Variants in ATXN2 observed in about 807,000 individuals in gnomAD.
ATXN2 encodes ataxin 2.
ATXN2 carries 37 observed loss-of-function variants against 138.6 expected under a neutral mutation model. The ratio of observed to expected loss-of-function variants is 0.27; its 90% CI spans 0.21 to 0.35. The LOEUF (loss-of-function observed/expected upper bound fraction) is 0.35. Ranked by LOEUF, ATXN2 falls within the 10% of genes least tolerant of loss-of-function variation. ATXN2 has a pLI of 1.00. For missense variants in ATXN2, 1,216 were observed against 1,480.3 expected, an observed-to-expected ratio of 0.82 and a Z score of 2.93; for synonymous variants, 549 against 543.7, an observed-to-expected ratio of 1.01 and a Z score of -0.13.
chr12:111,562,022 A>G (rs1284306368), intron 1 of ATXN2, among the ~76,000 whole-genome samples: 1 of 151,784 alleles, frequency 6.6e-6, no homozygotes, highest in Non-Finnish European at 1.5e-5. Flanking sequence ...CATGTTAGCC[A>G]GGATGGTCTC....
At chr12:111,489,584 C>T (rs1012893186) in intron 14 of ATXN2, among the ~76,000 whole-genome samples, 1 of 150,976 alleles carries the variant, frequency 6.6e-6, no homozygotes, top group Non-Finnish European at 1.5e-5. Context: ...TGCACTCCAG[C>T]CTGGGTGACA....
chr12:111,473,266 C>T (rs963625579), intron 18 of ATXN2, among the ~76,000 whole-genome samples: 4 of 148,330 alleles, frequency 2.7e-5, no homozygotes, highest in African/African-American at 1.0e-4. Context: ...AGAGCCAGAC[C>T]TTGTCTCCAA....
At chr12:111,458,716 A>G (rs1379433042) in intron 21 of ATXN2, among the ~76,000 whole-genome samples, 1 of 152,224 alleles carries the variant, frequency 6.6e-6, no homozygotes, top group Non-Finnish European at 1.5e-5. Flanking sequence ...AGACATATGC[A>G]GGACTGATTG....
rs771611981 is a variant in ATXN2 at position 111,452,830 on chromosome 12, G to A, written c.3450C>T (p.His1150=). The A allele has an allele frequency of 1.2e-6, 2 of 1,613,702 alleles. No homozygotes were observed. Among genetic ancestry groups the A allele is most frequent in the South Asian group, 2.2e-5 (2 of 90,976 alleles). ...PYMTHPSVQA[H]HQQQL ...GGCAGCCTTACAACTGCTGTTGGTGGTGGGCTTGTACTGTAAAAAGAAAAG... is the reference window on the plus strand; with the variant it reads ...GGCAGCCTTACAACTGCTGTTGGTGATGGGCTTGTACTGTAAAAAGAAAAG... The change falls in exon 25 of 25, where the codon CAC becomes CAT. Residue 1150 remains histidine (H), a synonymous_variant. Transcript: ENST00000673436.
chr12:111,564,716 G>A (rs1213764532), intron 1 of ATXN2: 2 of 152,174 alleles, frequency 1.3e-5, no homozygotes, highest in Non-Finnish European at 2.9e-5. Context: ...TTGAGCCCAG[G>A]AATTAAAGGC....
At position 111,520,883 on chromosome 12, in the gene ATXN2, T is replaced by C; in HGVS notation, c.787A>G (p.Thr263Ala). ...TAAAAACAAACTTTTCAAACTTACG[T>C]ATACGAAGATAAACTGCTATCATAC... Reference protein sequence around the residue: ...STYDSSLSSYTVPLERDNSEE... With the variant: ...STYDSSLSSYAVPLERDNSEE... Residue 263 changes from threonine to alanine, a missense_variant and splice_region_variant, in exon 7 of 25, where the codon ACA becomes GCA. Thr to Ala is a moderately conservative substitution (Grantham distance 58). Transcript: ENST00000673436. 1 of 1,544,342 alleles carries C rather than the reference T, an allele frequency of 6.5e-7. No homozygotes were observed. Among genetic ancestry groups the C allele is most frequent in the Non-Finnish European group, 8.8e-7 (1 of 1,137,826 alleles).
At chr12:111,540,696 CTTT>C (rs11462759) in intron 5 of ATXN2, among the ~76,000 whole-genome samples, 4 of 126,272 alleles carry the variant, frequency 3.2e-5, no homozygotes, top group Admixed American at 1.6e-4. Context: ...ACGTCTAAGT[CTTT>C]TTTTTTTTTT....
At position 111,486,913 on chromosome 12, in the gene ATXN2, A is replaced by T. The variant is rs565458639; in HGVS notation, c.2241-89T>A. On this transcript the variant is annotated intron_variant, in intron 15 of 24. Transcript: ENST00000673436. Reference sequence around the variant, plus strand: ...ACCTGACAATTTAAAAAAAATTGCTAAATATAGATTTAAACTGTTCTCACT... The same window carrying T: ...ACCTGACAATTTAAAAAAAATTGCTTAATATAGATTTAAACTGTTCTCACT... 8 of 1,095,564 alleles carry T rather than the reference A, an allele frequency of 7.3e-6. No homozygotes were observed. In the African/African-American group the frequency reaches 1.3e-4, roughly 17 times the overall value. 67.9% of individuals were successfully genotyped at this position (1,095,564 alleles called of 1,614,324 possible).
Position 111,598,820 on chromosome 12 carries a change from G to C in ATXN2, c.215C>G (p.Ala72Gly). The change falls in exon 1 of 25, where the codon GCG becomes GGG. Residue 72 changes from alanine (A) to glycine (G), a missense_variant. Physicochemically the swap from Ala to Gly is moderately conservative, Grantham distance 60. This residue lies in a region of ATXN2 where 401 missense variants were observed against 528.1 expected (regional missense o/e 0.76). Coordinates refer to ENST00000673436, the MANE Select transcript of ATXN2 (RefSeq NM_001372574.1). This position sits in a 1 kb window ranked among gnomAD's most constrained non-coding sequence, Gnocchi z 4.5. ...SSATAPSSVV[A>G]ATSGGGRPGL... ...GGGCCTCCCGCCGCCGGAGGTCGCC[G>C]CGACCACCGAGGAGGGAGCCGTGGC... is the stretch of plus-strand genomic sequence containing the variant. 7.1e-7 allele frequency: 1 copy of C among 1,417,920 alleles called. No individual in the cohort carries two copies. Among genetic ancestry groups the C allele is most frequent in the Non-Finnish European group, 9.1e-7 (1 of 1,093,940 alleles). The allele number at this position is 1,417,920 out of a possible 1,614,324, so 87.8% of individuals were successfully genotyped here.
intron 10 of ATXN2, among the ~76,000 whole-genome samples, chr12:111,514,107 G>A (rs1402193687): frequency 6.6e-6 from 1 of 151,932 alleles, no homozygotes; most frequent in African/African-American, 2.4e-5. Context: ...CTTCTATCAT[G>A]ATCATCAATT....
At chr12:111,599,645 C>G, upstream of ATXN2, 1 of 1,079,404 alleles carries the variant, frequency 9.3e-7, no homozygotes, top group African/African-American at 1.7e-5. Context: ...ACGTGAGGAG[C>G]GGGCGGCGCG....
intron 1 of ATXN2, among the ~76,000 whole-genome samples, chr12:111,559,168 C>G (rs1179197944): frequency 6.7e-6 from 1 of 150,290 alleles, no homozygotes; most frequent in African/African-American, 2.4e-5. Context: ...GAGTCTCACT[C>G]TGTCGCCAGG....
chr12:111,544,716 T>C (rs1566055223), intron 5 of ATXN2, among the ~76,000 whole-genome samples: 1 of 151,666 alleles, frequency 6.6e-6, no homozygotes, highest in Admixed American at 6.6e-5. Context: ...TCAATAAACA[T>C]AAAAAATACA....
At chr12:111,599,647 G>A, upstream of ATXN2, 9 of 1,084,976 alleles carry the variant, frequency 8.3e-6, no homozygotes, top group Non-Finnish European at 1.0e-5. Context: ...GTGAGGAGCG[G>A]GCGGCGCGCT....
chr12:111,591,328 T>C (rs1209608400), intron 1 of ATXN2, among the ~76,000 whole-genome samples: 1 of 152,118 alleles, frequency 6.6e-6, no homozygotes, highest in Non-Finnish European at 1.5e-5. Context: ...ATTACGTTTC[T>C]ATTTATTTCA....
rs745560171 is a variant in ATXN2, at chr12:111,553,604, A to AT, written c.348+553dup. ...AAAAAAAAAAAAAAAAAAAAAAAAA[A>AT]TTTTTTTTTTTGAGAAGGGGTCTGT... On this transcript the variant is annotated intron_variant, in intron 3 of 24. Transcript: ENST00000673436. 2.5e-3 allele frequency among the ~76,000 whole-genome samples: 210 copies of AT among 84,956 alleles called. 1 individual carries two copies. Among genetic ancestry groups the AT allele is most frequent in the Middle Eastern group, 0.023 (2 of 86 alleles). The allele number at this position is 84,956 out of a possible 152,430, so 55.7% of individuals were successfully genotyped here. A position where few individuals can be genotyped will look rare whatever the true frequency, so the allele number is the denominator to read the frequency against.
intron 6 of ATXN2, among the ~76,000 whole-genome samples, chr12:111,522,931 T>C (rs1221899326): frequency 1.3e-5 from 2 of 150,818 alleles, no homozygotes; most frequent in East Asian, 3.9e-4. Flanking sequence ...GTTTCTTGGG[T>C]GTAATTTCAG....
At chr12:111,479,453 G>A (rs1001113181) in intron 18 of ATXN2, among the ~76,000 whole-genome samples, 32 of 148,976 alleles carry the variant, frequency 2.1e-4, no homozygotes, top group Admixed American at 6.7e-4. Context: ...GTGGTGGCAC[G>A]TGCCTGTAAT....
At chr12:111,500,173 G>A (rs1158233745) in intron 14 of ATXN2, among the ~76,000 whole-genome samples, 1 of 152,238 alleles carries the variant, frequency 6.6e-6, no homozygotes, top group South Asian at 2.1e-4. Context: ...GTTTACTACG[G>A]CACTATATAC....
Sources: gnomAD v4.1 joint callset for allele counts (sites outside exome capture counted in the v4.1 genomes callset) on GRCh38, gnomAD v4.1.1 for gene constraint, gnomAD v4.1.1 regional missense constraint, Gnocchi (gnomAD v3.1) non-coding constraint, MANE v1.5 for transcripts, NCBI Gene and HGNC (gene_info 2026-07-23, HGNC 2026-07-21) for gene names.